RGS7: variants seen among roughly 807,000 people sequenced by gnomAD.
RGS7 encodes regulator of G-protein signaling 7.
Under a neutral mutation model 81.1 loss-of-function variants are expected in RGS7, and 27 were observed. The observed-to-expected ratio is 0.33, with a 90% CI of 0.25 to 0.46. The LOEUF is 0.46. RGS7 is among the 20% of genes least tolerant of loss of function. RGS7 has a pLI of 1.00. For synonymous variants in RGS7, 208 were observed against 207.7 expected (o/e 1.00, Z -0.01); for missense variants, 396 against 607.4 (o/e 0.65, Z 3.66).
chr1:241,319,972 T>A (rs2081116643), intron 2 of RGS7, among the ~76,000 whole-genome samples: 1 of 151,918 alleles, frequency 6.6e-6, no homozygotes, highest in African/African-American at 2.4e-5. Flanking sequence ...GCGCCTTTAA[T>A]CCCAGCTACT....
intron 3 of RGS7, among the ~76,000 whole-genome samples, chr1:241,012,405 T>C (rs889322209): frequency 1.3e-5 from 2 of 152,084 alleles, no homozygotes; most frequent in Non-Finnish European, 2.9e-5. Context: ...GGAAAGTAGA[T>C]CTGGGAAGAA....
intron 2 of RGS7, among the ~76,000 whole-genome samples, chr1:241,281,781 C>A (rs1041025438): frequency 6.6e-6 from 1 of 152,132 alleles, no homozygotes; most frequent in Non-Finnish European, 1.5e-5. Flanking sequence ...ATTATATATA[C>A]AAAATATGCT....
At chr1:240,956,018 A>G (rs1489187686) in intron 4 of RGS7, among the ~76,000 whole-genome samples, 1 of 152,248 alleles carries the variant, frequency 6.6e-6, no homozygotes, top group Non-Finnish European at 1.5e-5. Context: ...ATGACCTTAC[A>G]TACCAGGATG....
intron 9 of RGS7, among the ~76,000 whole-genome samples, chr1:240,860,736 C>T (rs1208273795): frequency 6.6e-6 from 1 of 152,168 alleles, no homozygotes; most frequent in African/African-American, 2.4e-5. Flanking sequence ...ACTCTCTATG[C>T]CTTCCTCTAA....
chr1:241,304,845 G>A (rs1218152305), intron 2 of RGS7, among the ~76,000 whole-genome samples: 1 of 152,160 alleles, frequency 6.6e-6, no homozygotes, highest in Non-Finnish European at 1.5e-5. Flanking sequence ...TCATGTTAAA[G>A]ACCTACTTAA....
chr1:240,841,371 A>T (rs976965332), intron 9 of RGS7, among the ~76,000 whole-genome samples: 1 of 152,142 alleles, frequency 6.6e-6, no homozygotes, highest in Non-Finnish European at 1.5e-5. Flanking sequence ...GCCCCTATGC[A>T]TTTCTTTACC....
At chr1:241,279,387 G>A (rs1428887830) in intron 2 of RGS7, among the ~76,000 whole-genome samples, 1 of 152,156 alleles carries the variant, frequency 6.6e-6, no homozygotes, top group East Asian at 1.9e-4. Flanking sequence ...AACATGCTCA[G>A]TGTTGAAATT....
intron 4 of RGS7, among the ~76,000 whole-genome samples, chr1:240,967,239 T>C (rs1203695261): frequency 6.6e-6 from 1 of 152,186 alleles, no homozygotes; most frequent in East Asian, 1.9e-4. Flanking sequence ...CTGTTTACTC[T>C]TTTTCTTCCA....
chr1:241,171,653 T>C (rs1002411138), intron 2 of RGS7, among the ~76,000 whole-genome samples: 5 of 152,202 alleles, frequency 3.3e-5, no homozygotes, highest in African/African-American at 1.2e-4. Context: ...AAATACTACC[T>C]GCCATTTAAT....
At chr1:240,821,936 AC>A (rs1691878924) in intron 10 of RGS7, among the ~76,000 whole-genome samples, 2 of 152,116 alleles carry the variant, frequency 1.3e-5, no homozygotes, top group Admixed American at 6.5e-5. Flanking sequence ...AGGTTTTGTG[AC>A]CTAGGACCCC....
intron 2 of RGS7, among the ~76,000 whole-genome samples, chr1:241,179,376 G>C (rs573264629): frequency 6.6e-6 from 1 of 152,172 alleles, no homozygotes; most frequent in Non-Finnish European, 1.5e-5. Context: ...GGGATTCCAG[G>C]TGTGAGCCAC....
chr1:240,824,554 C>T (rs1180051046), intron 10 of RGS7, among the ~76,000 whole-genome samples: 1 of 152,338 alleles, frequency 6.6e-6, no homozygotes, highest in South Asian at 2.1e-4. Context: ...TCACCTGCTC[C>T]GCAGATACAG....
rs61639181 is a variant in RGS7, at chr1:240,795,428, T to C, written c.*6+5213A>G. On this transcript the variant is annotated intron_variant, in intron 18 of 18. Coordinates refer to ENST00000440928, the MANE Select transcript of RGS7 (RefSeq NM_001364886.1). The stretch of plus-strand genomic sequence containing the variant: ...AGGAATACAACATCTGATTCCCACC[T>C]TCCAGAATAAGTTATTTTTCCCTCT... 9.6e-3 allele frequency among the ~76,000 whole-genome samples: 1,464 copies of C among 152,314 alleles called. 20 individuals are homozygous for C. Among genetic ancestry groups the C allele is most frequent in the African/African-American group, 0.033 (1,385 of 41,568 alleles).
At chr1:241,235,603 TTTTC>T (rs371557510) in intron 2 of RGS7, among the ~76,000 whole-genome samples, 1 of 148,842 alleles carries the variant, frequency 6.7e-6, no homozygotes, top group African/African-American at 2.5e-5. Flanking sequence ...CTTCCTTTAT[TTTTC>T]TTTCTTCCTT....
chr1:241,037,670 G>A lies in RGS7; in HGVS notation c.176-54541C>T, dbSNP rs577668007. 1.9e-4 allele frequency among the ~76,000 whole-genome samples: 29 copies of A among 150,144 alleles called. No individual in the cohort carries two copies. In the East Asian group the frequency reaches 4.9e-3, roughly 25 times the overall value. ...CAGGACGTGGAGGTTGCAGTGAGCC[G>A]AGATCACGCCATTGCACTTCAGCCT... is the stretch of plus-strand genomic sequence containing the variant. On this transcript the variant is annotated intron_variant, in intron 3 of 18. Coordinates refer to ENST00000440928, the MANE Select transcript of RGS7 (RefSeq NM_001364886.1).
intron 6 of RGS7, among the ~76,000 whole-genome samples, chr1:240,883,717 A>T (rs1009407329): frequency 3.9e-5 from 6 of 152,202 alleles, no homozygotes; most frequent in African/African-American, 1.2e-4. Context: ...GTAAACAAAC[A>T]TCCTTTTTGT....
At chr1:241,036,505 A>G (rs1166160338) in intron 3 of RGS7, among the ~76,000 whole-genome samples, 3 of 152,174 alleles carry the variant, frequency 2.0e-5, no homozygotes, top group African/African-American at 7.2e-5. Flanking sequence ...ATTACATCCA[A>G]AATATAGAGC....
intron 6 of RGS7, among the ~76,000 whole-genome samples, chr1:240,918,586 TG>T (rs1672974890): frequency 6.6e-6 from 1 of 152,068 alleles, no homozygotes; most frequent in Non-Finnish European, 1.5e-5. Flanking sequence ...ATTCACAGGA[TG>T]TAGTGAAAGC....
Position 241,298,918 on chromosome 1 carries a change from A to G in RGS7, c.78+56781T>C, listed in dbSNP as rs532073669. Among the ~76,000 whole-genome samples, 10 of 152,114 alleles carry G rather than the reference A, an allele frequency of 6.6e-5. No individual in the cohort carries two copies. In the East Asian group the frequency reaches 1.2e-3, roughly 18 times the overall value. Reference sequence around the variant, plus strand: ...ACTATCTCAAGATAAGCTTCTAGAGAAAAAAAATACAAAAACAAATGTAAC... The same window carrying G: ...ACTATCTCAAGATAAGCTTCTAGAGGAAAAAAATACAAAAACAAATGTAAC... On this transcript the variant is annotated intron_variant, in intron 2 of 18. Transcript: ENST00000440928.
Sources: gnomAD v4.1 joint callset for allele counts (sites outside exome capture counted in the v4.1 genomes callset) on GRCh38, gnomAD v4.1.1 for gene constraint, MANE v1.5 for transcripts, NCBI Gene and HGNC (gene_info 2026-07-23, HGNC 2026-07-21) for gene names.